SMPDL3A: variants seen among roughly 807,000 people sequenced by gnomAD.
SMPDL3A encodes the protein sphingomyelin phosphodiesterase acid like 3A.
A neutral mutation model predicts 38.5 loss-of-function variants in SMPDL3A; 39 were observed. The ratio of observed to expected loss-of-function variants is 1.01; its 90% CI spans 0.78 to 1.32. The LOEUF (loss-of-function observed/expected upper bound fraction) is 1.32. SMPDL3A is among the 40% of genes most tolerant of loss of function. SMPDL3A has a pLI of 0.00. For missense variants in SMPDL3A, 502 were observed against 536.2 expected, an observed-to-expected ratio of 0.94 and a Z score of 0.63; for synonymous variants, 180 against 194.3, an observed-to-expected ratio of 0.93 and a Z score of 0.61.
At chr6:122,795,993 G>T in intron 2 of SMPDL3A, 103 bp downstream of exon 2, 1 of 828,088 alleles carries the variant, frequency 1.2e-6, no homozygotes, top group Non-Finnish European at 1.8e-6. Context: ...TACATTTTAA[G>T]AGTTATTTGA....
In SMPDL3A at chr6:122,809,429, T is replaced by G; in HGVS notation, c.*21T>G. On this transcript the variant is annotated 3_prime_UTR_variant, in exon 8 of 8. Coordinates refer to ENST00000368440, the MANE Select transcript of SMPDL3A (RefSeq NM_006714.5). ...ACTAGTATTTCACAGTTTTTGCTAA[T>G]AGAAAATGCTGATTCTGATTCTGAG... 6.6e-7 allele frequency: 1 copy of G among 1,524,990 alleles called. No homozygotes were observed. The highest frequency in any genetic ancestry group is 1.8e-5 in the Admixed American group (1 of 55,176). The allele number at this position is 1,524,990 out of a possible 1,614,324, so 94.5% of individuals were successfully genotyped here. A position where few individuals can be genotyped will look rare whatever the true frequency, so the allele number is the denominator to read the frequency against.
At chr6:122,806,211 T>A in intron 6 of SMPDL3A, 22 bp from the exon 7 acceptor site, 2 of 1,598,024 alleles carry the variant, frequency 1.3e-6, no homozygotes, top group East Asian at 4.5e-5. Context: ...AATGTATGTT[T>A]ATGTGCATAC....
intron 1 of SMPDL3A, 99 bp from the exon 2 acceptor site, chr6:122,795,578 C>T: frequency 2.4e-6 from 2 of 842,672 alleles, no homozygotes; most frequent in Non-Finnish European, 3.8e-6. Context: ...TCCTCCATCA[C>T]AGGGAGGAAC....
intron 1 of SMPDL3A, 99 bp downstream of exon 1, chr6:122,789,557 GGC>G: frequency 9.0e-7 from 1 of 1,111,364 alleles, no homozygotes; most frequent in South Asian, 1.4e-5. Flanking sequence ...AGCTGCCCCC[GGC>G]AGAGGCTCGG....
At chr6:122,804,345 C>T (rs975621603) in intron 5 of SMPDL3A, among the ~76,000 whole-genome samples, 2 of 151,524 alleles carry the variant, frequency 1.3e-5, no homozygotes, top group African/African-American at 4.9e-5. Flanking sequence ...ACTCTGTTGC[C>T]CAGGCTAGAG....
chr6:122,803,987 T>C (rs1781514477), intron 5 of SMPDL3A, among the ~76,000 whole-genome samples, 154 bp downstream of exon 5: 1 of 151,512 alleles, frequency 6.6e-6, no homozygotes, highest in Admixed American at 6.6e-5. Flanking sequence ...TTTCTTTCTT[T>C]TTTTTTTTTT....
intron 1 of SMPDL3A, among the ~76,000 whole-genome samples, chr6:122,792,047 G>A (rs1582533287): frequency 1.3e-5 from 2 of 152,192 alleles, no homozygotes; most frequent in African/African-American, 2.4e-5. Flanking sequence ...GTAGTAAACA[G>A]AACTTTGGAC....
At chr6:122,801,250 T>C in intron 3 of SMPDL3A, 60 bp from the exon 4 acceptor site, 1 of 1,196,116 alleles carries the variant, frequency 8.4e-7, no homozygotes, top group African/African-American at 1.5e-5. Flanking sequence ...AAGTAGTGTT[T>C]ACATTAATTC....
rs1224487640 is a variant in SMPDL3A at position 122,806,171 on chromosome 6, A to T, written c.920-62A>T. Reference sequence around the variant, plus strand: ...TAATCTCTTAATCTGGAAACTTTATATTTTTAATATAGTTAAACTCTTATT... The same window carrying T: ...TAATCTCTTAATCTGGAAACTTTATTTTTTTAATATAGTTAAACTCTTATT... On this transcript the variant is annotated intron_variant, in intron 6 of 7. Transcript: ENST00000368440. The T allele has an allele frequency of 3.5e-6, 5 of 1,417,364 alleles. No homozygotes were observed. The East Asian group carries it at 1.3e-4, about 36-fold the overall frequency. 87.8% of individuals were successfully genotyped at this position (1,417,364 alleles called of 1,614,324 possible).
rs1489278007 is a variant in SMPDL3A, at chr6:122,789,371, T to C, written c.25T>C (p.Cys9Arg). The C allele has an allele frequency of 6.5e-6, 10 of 1,548,184 alleles. No individual in the cohort carries two copies. The highest frequency in any genetic ancestry group is 3.9e-5 in the Admixed American group (2 of 50,930). MALVRALV[C>R]CLLTAWHCRS... Reference sequence around the variant, plus strand: ...CATGGCGCTGGTGCGCGCACTCGTCTGCTGCCTGCTGACTGCCTGGCACTG... The same window carrying C: ...CATGGCGCTGGTGCGCGCACTCGTCCGCTGCCTGCTGACTGCCTGGCACTG... Residue 9 changes from cysteine (C) to arginine (R), a missense_variant, in exon 1 of 8, where the codon TGC becomes CGC. Transcript: ENST00000368440.
In SMPDL3A at chr6:122,809,519, C is replaced by A; in HGVS notation, c.*111C>A. On this transcript the variant is annotated 3_prime_UTR_variant, in exon 8 of 8. Coordinates refer to ENST00000368440, the MANE Select transcript of SMPDL3A (RefSeq NM_006714.5). ...CTGAGTGGGCAAGTAGACTTCCTGT[C>A]TTTGCTTTCTTTTTTTTTTTCTTTT... is the stretch of plus-strand genomic sequence containing the variant. 2 of 703,258 alleles carry A rather than the reference C, an allele frequency of 2.8e-6. No homozygotes were observed. The highest frequency in any genetic ancestry group is 4.6e-6 in the Non-Finnish European group (2 of 432,652). The allele number at this position is 703,258 out of a possible 1,614,324, so 43.6% of individuals were successfully genotyped here.
At chr6:122,806,414 A>T in intron 7 of SMPDL3A, 57 bp downstream of exon 7, 1 of 1,525,210 alleles carries the variant, frequency 6.6e-7, no homozygotes, top group East Asian at 2.3e-5. Context: ...TGCAGTTTTC[A>T]TTAATTTAGT....
rs944182404 is a variant in SMPDL3A, at chr6:122,789,583, C to T, written c.112+125C>T. On this transcript the variant is annotated intron_variant, in intron 1 of 7. Transcript: ENST00000368440. ...GCAGAGGCTCGGGCTAGCGGGGCCC[C>T]TGACGCGTCCGGCGTTGACCACGGC... The T allele has an allele frequency of 5.4e-6, 5 of 932,120 alleles. No homozygotes were observed. The African/African-American group carries it at 7.0e-5, about 13-fold the overall frequency. The allele number at this position is 932,120 out of a possible 1,614,324, so 57.7% of individuals were successfully genotyped here. A position where few individuals can be genotyped will look rare whatever the true frequency, so the allele number is the denominator to read the frequency against.
chr6:122,792,908 T>C (rs950746700), intron 1 of SMPDL3A, among the ~76,000 whole-genome samples: 5 of 152,104 alleles, frequency 3.3e-5, no homozygotes, highest in African/African-American at 1.2e-4. Context: ...GCAAGTGAGA[T>C]TGGAGATATT....
At position 122,809,409 on chromosome 6, in the gene SMPDL3A, T is replaced by C; in HGVS notation, c.*1T>C. Reference sequence around the variant, plus strand: ...GCTTTATATAAAGCACAATTACTAGTATTTCACAGTTTTTGCTAATAGAAA... The same window carrying C: ...GCTTTATATAAAGCACAATTACTAGCATTTCACAGTTTTTGCTAATAGAAA... On this transcript the variant is annotated 3_prime_UTR_variant, in exon 8 of 8. Coordinates refer to ENST00000368440, the MANE Select transcript of SMPDL3A (RefSeq NM_006714.5). 2 of 1,585,980 alleles carry C rather than the reference T, an allele frequency of 1.3e-6. No homozygotes were observed. Among genetic ancestry groups the C allele is most frequent in the African/African-American group, 1.3e-5 (1 of 74,236 alleles).
In SMPDL3A at chr6:122,809,498, G is replaced by A; in HGVS notation, c.*90G>A. The stretch of plus-strand genomic sequence containing the variant: ...TACATAAATCTTTGTTAATTACTGA[G>A]TGGGCAAGTAGACTTCCTGTCTTTG... On this transcript the variant is annotated 3_prime_UTR_variant, in exon 8 of 8. Transcript: ENST00000368440. 1 of 929,654 alleles carries A rather than the reference G, an allele frequency of 1.1e-6. No individual in the cohort carries two copies. The highest frequency in any genetic ancestry group is 1.6e-6 in the Non-Finnish European group (1 of 617,098). The allele number at this position is 929,654 out of a possible 1,614,324, so 57.6% of individuals were successfully genotyped here.
At position 122,789,476 on chromosome 6, in the gene SMPDL3A, C is replaced by T; in HGVS notation, c.112+18C>T. ...GGCGATAGGTGAGTTGTCCGCGACC[C>T]TTCTCTTCCCAGCCGGCAAAGAGCG... On this transcript the variant is annotated intron_variant, in intron 1 of 7. Transcript: ENST00000368440. 2 of 1,535,370 alleles carry T rather than the reference C, an allele frequency of 1.3e-6. No homozygotes were observed. Among genetic ancestry groups the T allele is most frequent in the Non-Finnish European group, 1.8e-6 (2 of 1,133,670 alleles).
At chr6:122,796,788 C>CT in intron 2 of SMPDL3A, 36 bp from the exon 3 acceptor site, 1 of 1,591,630 alleles carries the variant, frequency 6.3e-7, no homozygotes, top group Non-Finnish European at 8.6e-7. Context: ...CTTTATGAAA[C>CT]TGATTTTGTT....
At chr6:122,800,244 A>C (rs544889333) in intron 3 of SMPDL3A, among the ~76,000 whole-genome samples, 1 of 152,326 alleles carries the variant, frequency 6.6e-6, no homozygotes, top group South Asian at 2.1e-4. Flanking sequence ...TATGATAATA[A>C]AAATGTTTTG....
Sources: allele counts gnomAD v4.1 joint callset (sites outside exome capture counted in the v4.1 genomes callset), GRCh38; gene constraint gnomAD v4.1.1; transcripts MANE v1.5; gene names NCBI Gene and HGNC (gene_info 2026-07-23, HGNC 2026-07-21).